The following CHST11 variants were observed in gnomAD, a reference collection of about 807,000 sequenced individuals.
CHST11 encodes C4S-1.
Under a neutral mutation model 30.4 loss-of-function variants are expected in CHST11, and 9 were observed. That is an observed-to-expected ratio of 0.30 (90% CI 0.18 to 0.52). The LOEUF is 0.52. CHST11 is among the 20% of genes least tolerant of loss of function. The probability of loss-of-function intolerance (pLI) is 0.97; values close to 1 mark genes in which losing one functional copy is unlikely to be tolerated. For synonymous variants in CHST11, 152 were observed against 187.8 expected (o/e 0.81, Z 1.56); for missense variants, 348 against 460.6 (o/e 0.76, Z 2.24).
At chr12:104,474,870 A>G (rs1300240796) in intron 1 of CHST11, among the ~76,000 whole-genome samples, 1 of 152,188 alleles carries the variant, frequency 6.6e-6, no homozygotes, top group Non-Finnish European at 1.5e-5. Context: ...CTCTAAGCCG[A>G]AGCATGGGGG....
chr12:104,723,492 C>T (rs1229456410), intron 2 of CHST11, among the ~76,000 whole-genome samples: 1 of 152,234 alleles, frequency 6.6e-6, no homozygotes, highest in Non-Finnish European at 1.5e-5. Context: ...ACACTCACTC[C>T]GATAAATCAC....
chr12:104,746,193 G>C (rs1367653044), intron 2 of CHST11, among the ~76,000 whole-genome samples: 1 of 152,168 alleles, frequency 6.6e-6, no homozygotes, highest in Non-Finnish European at 1.5e-5. Flanking sequence ...CCCAGTGGAC[G>C]CTGACTGGGT....
intron 2 of CHST11, among the ~76,000 whole-genome samples, chr12:104,623,884 G>A (rs1488809374): frequency 1.3e-5 from 2 of 152,140 alleles, no homozygotes; most frequent in Non-Finnish European, 2.9e-5. Flanking sequence ...AAAGCTTCCC[G>A]TTGCTGTCAT....
chr12:104,546,181 T>A (rs1003115122), intron 1 of CHST11, among the ~76,000 whole-genome samples: 2 of 152,074 alleles, frequency 1.3e-5, no homozygotes, highest in Non-Finnish European at 2.9e-5. Flanking sequence ...AAGATTTAAC[T>A]TTCCTGGGTT....
chr12:104,655,080 C>A (rs1347565243), intron 2 of CHST11, among the ~76,000 whole-genome samples: 1 of 152,190 alleles, frequency 6.6e-6, no homozygotes, highest in African/African-American at 2.4e-5. Flanking sequence ...TCATGGAATT[C>A]TGGGAAACAC....
chr12:104,486,610 T>C (rs977878179), intron 1 of CHST11, among the ~76,000 whole-genome samples: 4 of 152,186 alleles, frequency 2.6e-5, no homozygotes, highest in African/African-American at 9.7e-5. Context: ...GGTGTGTTTC[T>C]GGAACTTTCC....
At chr12:104,616,066 T>G (rs966432420) in intron 2 of CHST11, among the ~76,000 whole-genome samples, 1 of 152,202 alleles carries the variant, frequency 6.6e-6, no homozygotes, top group African/African-American at 2.4e-5. Context: ...CTGTTGTTAT[T>G]GTTACTCAGG....
intron 1 of CHST11, among the ~76,000 whole-genome samples, chr12:104,481,299 T>C (rs893695278): frequency 3.9e-5 from 6 of 152,194 alleles, no homozygotes; most frequent in African/African-American, 1.4e-4. Context: ...CACCACACTC[T>C]TGCCACGTCA....
chr12:104,706,467 G>C (rs1470589813), intron 2 of CHST11, among the ~76,000 whole-genome samples: 3 of 151,512 alleles, frequency 2.0e-5, no homozygotes, highest in Non-Finnish European at 4.4e-5. Flanking sequence ...GAGAGGGAGA[G>C]AGAGAGAGAG....
chr12:104,611,678 A>T (rs1021501991), intron 2 of CHST11, among the ~76,000 whole-genome samples: 1 of 152,064 alleles, frequency 6.6e-6, no homozygotes, highest in Non-Finnish European at 1.5e-5. Context: ...ATCAGGGTGG[A>T]CGGTTTCCTG....
At chr12:104,659,911 G>A (rs1012963539) in intron 2 of CHST11, among the ~76,000 whole-genome samples, 6 of 152,108 alleles carry the variant, frequency 3.9e-5, no homozygotes, top group Non-Finnish European at 5.9e-5. Flanking sequence ...GAGCCCAAGA[G>A]TTTGAGGTTA....
At chr12:104,636,232 T>C (rs2039322286) in intron 2 of CHST11, among the ~76,000 whole-genome samples, 2 of 152,170 alleles carry the variant, frequency 1.3e-5, no homozygotes, top group African/African-American at 4.8e-5. Context: ...GACATCCCGC[T>C]CCATTTCTTT....
At chr12:104,606,425 G>T (rs2039005970) in intron 2 of CHST11, among the ~76,000 whole-genome samples, 1 of 152,152 alleles carries the variant, frequency 6.6e-6, no homozygotes, top group Non-Finnish European at 1.5e-5. Flanking sequence ...TATAATACAT[G>T]CCAGTGACCA....
chr12:104,648,128 G>T (rs1000486312), intron 2 of CHST11, among the ~76,000 whole-genome samples: 1 of 152,184 alleles, frequency 6.6e-6, no homozygotes, highest in Non-Finnish European at 1.5e-5. Flanking sequence ...AGTTTATTTG[G>T]AGACACCTCA....
At chr12:104,706,019 G>A (rs2040030138) in intron 2 of CHST11, among the ~76,000 whole-genome samples, 2 of 152,170 alleles carry the variant, frequency 1.3e-5, no homozygotes, top group Non-Finnish European at 2.9e-5. Context: ...GCAGAAGTTT[G>A]AGGTTGCAGT....
rs560982184 is a variant in CHST11 at position 104,481,600 on chromosome 12, G to C, written c.118+24071G>C. On this transcript the variant is annotated intron_variant, in intron 1 of 2. Transcript: ENST00000303694. Reference sequence around the variant, plus strand: ...CATGGATTCTCTCACGCGTCGATGGGGGGCAACGATATCAGATATGGCAAA... The same window carrying C: ...CATGGATTCTCTCACGCGTCGATGGCGGGCAACGATATCAGATATGGCAAA... Among the ~76,000 whole-genome samples the C allele has an allele frequency of 4.6e-5, 7 of 152,164 alleles. No individual in the cohort carries two copies. The East Asian group carries it at 1.2e-3, about 25-fold the overall frequency.
intron 2 of CHST11, among the ~76,000 whole-genome samples, chr12:104,613,481 T>C (rs2039079763): frequency 6.6e-6 from 1 of 152,096 alleles, no homozygotes; most frequent in Non-Finnish European, 1.5e-5. Flanking sequence ...TGGGAGGTGA[T>C]TGGATCATGG....
chr12:104,590,913 C>A (rs1478082077), intron 1 of CHST11, among the ~76,000 whole-genome samples: 1 of 151,028 alleles, frequency 6.6e-6, no homozygotes, highest in Non-Finnish European at 1.5e-5. Flanking sequence ...GAGAACGAGA[C>A]CCTGTCTTAA....
At chr12:104,698,501 A>G (rs532552587) in intron 2 of CHST11, among the ~76,000 whole-genome samples, 2 of 152,236 alleles carry the variant, frequency 1.3e-5, no homozygotes, top group Admixed American at 1.3e-4. Flanking sequence ...CTGTCTCTTC[A>G]GCTACAGTGC....
Sources: gnomAD v4.1 joint callset for allele counts (sites outside exome capture counted in the v4.1 genomes callset) on GRCh38, gnomAD v4.1.1 for gene constraint, MANE v1.5 for transcripts, NCBI Gene and HGNC (gene_info 2026-07-23, HGNC 2026-07-21) for gene names.